Variants in BNC2 observed in about 807,000 individuals in gnomAD.
BNC2 encodes zinc finger protein basonuclin-2.
Under a neutral mutation model 76.3 loss-of-function variants are expected in BNC2, and 20 were observed. That is an observed-to-expected ratio of 0.26 (90% CI 0.18 to 0.38). The LOEUF (loss-of-function observed/expected upper bound fraction) is 0.38, where lower values mean the gene tolerates loss of function less well. Among genes scored for constraint, BNC2 ranks in the 10% least tolerant of loss-of-function variants. The pLI, the probability that BNC2 is intolerant of heterozygous loss-of-function variation, is 1.00. For missense variants in BNC2, 1,382 were observed against 1,399.8 expected, an observed-to-expected ratio of 0.99 and a Z score of 0.20; for synonymous variants, 582 against 514.8, an observed-to-expected ratio of 1.13 and a Z score of -1.77.
At chr9:16,689,351 G>A (rs1301603127) in intron 3 of BNC2, among the ~76,000 whole-genome samples, 3 of 152,066 alleles carry the variant, frequency 2.0e-5, no homozygotes, top group Admixed American at 2.0e-4. Context: ...TGAGAGAAGA[G>A]TCATGTTACG....
At chr9:16,780,565 C>G (rs1005042781) in intron 1 of BNC2, among the ~76,000 whole-genome samples, 1 of 137,948 alleles carries the variant, frequency 7.2e-6, no homozygotes, top group Non-Finnish European at 1.5e-5. Flanking sequence ...GGCAAGACTC[C>G]GCCTTAAAAA....
At chr9:16,836,261 C>T (rs533520726) in intron 1 of BNC2, among the ~76,000 whole-genome samples, 12 of 152,166 alleles carry the variant, frequency 7.9e-5, no homozygotes, top group African/African-American at 2.2e-4. Flanking sequence ...ATTCTCATGG[C>T]GCTGCTTTCA....
Position 16,460,312 on chromosome 9 carries a change from GA to G in BNC2, c.670-22789del, listed in dbSNP as rs754774287. Among the ~76,000 whole-genome samples the G allele has an allele frequency of 3.8e-3, 527 of 139,608 alleles. 4 individuals carry two copies. The highest frequency in any genetic ancestry group is 9.5e-3 in the African/African-American group (362 of 38,290). The allele number at this position is 139,608 out of a possible 152,430, so 91.6% of individuals were successfully genotyped here. ...AAATAAGTGGAGGTAAAACGGAACA[GA>G]AAAAAAAAAAAAGTCAAAACAAAAT... is the stretch of plus-strand genomic sequence containing the variant. On this transcript the variant is annotated intron_variant, in intron 5 of 6. Coordinates refer to ENST00000380672, the MANE Select transcript of BNC2 (RefSeq NM_017637.6).
chr9:16,681,743 T>C lies in BNC2; in HGVS notation c.330+46054A>G, dbSNP rs1379894790. 2.6e-5 allele frequency among the ~76,000 whole-genome samples: 4 copies of C among 152,200 alleles called. No individual in the cohort carries two copies. In the East Asian group the frequency reaches 5.8e-4, roughly 22 times the overall value. The stretch of plus-strand genomic sequence containing the variant: ...CTTGACTTGTTAAAGCTGCAGTGTA[T>C]GTACATTTTTCAAATAAACCGCAGG... On this transcript the variant is annotated intron_variant, in intron 3 of 6. Coordinates refer to ENST00000380672, the MANE Select transcript of BNC2 (RefSeq NM_017637.6).
At chr9:16,841,270 T>A (rs1297084096) in intron 1 of BNC2, among the ~76,000 whole-genome samples, 1 of 152,264 alleles carries the variant, frequency 6.6e-6, no homozygotes, top group Non-Finnish European at 1.5e-5. Context: ...GTTATTACCC[T>A]CCATATTTAA....
chr9:16,850,881 G>C (rs1272538894), intron 1 of BNC2, among the ~76,000 whole-genome samples: 2 of 151,852 alleles, frequency 1.3e-5, no homozygotes, highest in Non-Finnish European at 2.9e-5. Flanking sequence ...AAAGACTTTT[G>C]AAGATTCAGA....
At chr9:16,489,461 A>G (rs1305212009) in intron 5 of BNC2, among the ~76,000 whole-genome samples, 3 of 152,222 alleles carry the variant, frequency 2.0e-5, no homozygotes, top group Admixed American at 6.5e-5. Flanking sequence ...AAATCTTTAA[A>G]AAGACAAAAT....
intron 1 of BNC2, among the ~76,000 whole-genome samples, chr9:16,802,619 T>C (rs1463551967): frequency 6.6e-6 from 1 of 152,204 alleles, no homozygotes; most frequent in African/African-American, 2.4e-5. Flanking sequence ...TGCTTCACAT[T>C]ACTCATCTCT....
chr9:16,436,490 T>G lies in BNC2; in HGVS notation c.1704A>C (p.Pro568=). ...GTAAACTTCTATAAAATGGAGGAAC[T>G]GGTTGTACAGTCTTTAGCCCAGAAA... ...LVFSGLKTVQ[P]VPPFYRSLLT... is the part of the protein sequence containing the mutation. Residue 568 remains proline (P), a synonymous_variant, in exon 6 of 7, where the codon CCA becomes CCC. Transcript: ENST00000380672. 6.2e-7 allele frequency: 1 copy of G among 1,614,098 alleles called. No individual in the cohort carries two copies. Among genetic ancestry groups the G allele is most frequent in the Non-Finnish European group, 8.5e-7 (1 of 1,180,018 alleles).
intron 3 of BNC2, among the ~76,000 whole-genome samples, chr9:16,696,024 C>T (rs1310813203): frequency 1.3e-5 from 2 of 152,180 alleles, no homozygotes; most frequent in African/African-American, 2.4e-5. Context: ...GTTCTGATAG[C>T]CTGTCCATTC....
At chr9:16,703,912 C>T (rs1823587179) in intron 3 of BNC2, among the ~76,000 whole-genome samples, 1 of 152,048 alleles carries the variant, frequency 6.6e-6, no homozygotes, top group Non-Finnish European at 1.5e-5. Context: ...CTCACACACA[C>T]ATACAAGTAT....
intron 1 of BNC2, among the ~76,000 whole-genome samples, chr9:16,785,911 A>C (rs556696098): frequency 6.6e-6 from 1 of 152,156 alleles, no homozygotes; most frequent in East Asian, 1.9e-4. Flanking sequence ...GCCTTGAAGG[A>C]AAATCCACCT....
rs1220195367 is a variant in BNC2 at position 16,845,607 on chromosome 9, G to A, written c.3+25039C>T. ...GTAGCGGCGTGGGCCTGTAGTCCCA[G>A]CTACTTGGGAGGCCGAGGCAGGAGA... On this transcript the variant is annotated intron_variant, in intron 1 of 6. Transcript: ENST00000380672. 2.0e-5 allele frequency among the ~76,000 whole-genome samples: 3 copies of A among 152,138 alleles called. No individual in the cohort carries two copies. In the East Asian group the frequency reaches 5.8e-4, roughly 29 times the overall value.
At chr9:16,685,702 G>A (rs1312846646) in intron 3 of BNC2, 19 of 1,034,798 alleles carry the variant, frequency 1.8e-5, no homozygotes, top group Non-Finnish European at 2.5e-5. Context: ...ACTTGACCCA[G>A]GCAGAGAGAG....
At chr9:16,607,482 G>A (rs12004304) in intron 3 of BNC2, among the ~76,000 whole-genome samples, 24,620 of 152,136 alleles carry the variant, frequency 0.16, 4,043 homozygotes, top group African/African-American at 0.42. Context: ...ACGTCTAAAG[G>A]AAAGAGTTTT....
At chr9:16,776,718 A>G (rs111594731) in intron 1 of BNC2, among the ~76,000 whole-genome samples, 19 of 152,362 alleles carry the variant, frequency 1.2e-4, no homozygotes, top group African/African-American at 4.6e-4. Flanking sequence ...TAAACACTTA[A>G]GTAATTCCAA....
At chr9:16,540,709 C>G (rs1483857379) in intron 5 of BNC2, among the ~76,000 whole-genome samples, 1 of 152,134 alleles carries the variant, frequency 6.6e-6, no homozygotes, top group Non-Finnish European at 1.5e-5. Context: ...GCTCTTTTGA[C>G]AGGAGCATTC....
At chr9:16,865,390 T>G (rs1313195694) in intron 1 of BNC2, among the ~76,000 whole-genome samples, 2 of 152,148 alleles carry the variant, frequency 1.3e-5, no homozygotes, top group Non-Finnish European at 2.9e-5. Flanking sequence ...CGTAATTTGT[T>G]ACAAATACAA....
intron 5 of BNC2, among the ~76,000 whole-genome samples, chr9:16,451,275 C>A (rs1162800505): frequency 6.6e-6 from 1 of 151,898 alleles, no homozygotes; most frequent in Non-Finnish European, 1.5e-5. Context: ...CTGGAAGGAT[C>A]AATATAAATG....
Sources: allele counts gnomAD v4.1 joint callset (sites outside exome capture counted in the v4.1 genomes callset), GRCh38; gene constraint gnomAD v4.1.1; transcripts MANE v1.5; gene names NCBI Gene and HGNC (gene_info 2026-07-23, HGNC 2026-07-21).